The following NFIA variants were observed in gnomAD, a reference collection of about 807,000 sequenced individuals.
NFIA encodes the protein nuclear factor I A.
NFIA carries 8 observed loss-of-function variants against 62.8 expected under a neutral mutation model. The ratio of observed to expected loss-of-function variants is 0.13; its 90% confidence interval spans 0.07 to 0.23. The LOEUF (loss-of-function observed/expected upper bound fraction) is 0.23. Ranked by LOEUF, NFIA falls within the 10% of genes least tolerant of loss-of-function variation. NFIA has a pLI of 1.00. For synonymous variants in NFIA, 235 were observed against 238.1 expected (o/e 0.99, Z 0.12); for missense variants, 410 against 642.1 (o/e 0.64, Z 3.91).
At chr1:61,331,573 C>T (rs757854710) in intron 3 of NFIA, among the ~76,000 whole-genome samples, 2 of 152,104 alleles carry the variant, frequency 1.3e-5, no homozygotes, top group Non-Finnish European at 2.9e-5. Context: ...AAAATCCCTT[C>T]GGCCAACAAT....
chr1:61,371,121 G>A (rs1557738306), intron 6 of NFIA, among the ~76,000 whole-genome samples: 1 of 152,088 alleles, frequency 6.6e-6, no homozygotes, highest in Non-Finnish European at 1.5e-5. Flanking sequence ...GCAGAAGAGA[G>A]CATTTATCAA....
intron 4 of NFIA, among the ~76,000 whole-genome samples, chr1:61,347,943 A>G (rs1291246901): frequency 6.6e-6 from 1 of 152,174 alleles, no homozygotes; most frequent in Non-Finnish European, 1.5e-5. Flanking sequence ...TCTCACTTCA[A>G]GGCTTCGTTC....
intron 2 of NFIA, among the ~76,000 whole-genome samples, chr1:61,192,717 AAAAAAAAG>A (rs1169129730): frequency 6.6e-6 from 1 of 151,456 alleles, no homozygotes; most frequent in African/African-American, 2.4e-5. Flanking sequence ...AAAAAAAAGA[AAAAAAAAG>A]AAATGTCAAA....
At chr1:61,452,254 A>AATT (rs57519983) in intron 10 of NFIA, among the ~76,000 whole-genome samples, 66,436 of 147,908 alleles carry the variant, frequency 0.45, 15,301 homozygotes, top group East Asian at 0.57. Flanking sequence ...GAGATGTATG[A>AATT]ATTATTATTA....
At chr1:61,409,734 C>A (rs17122182) in intron 9 of NFIA, among the ~76,000 whole-genome samples, 1,763 of 152,262 alleles carry the variant, frequency 0.012, 32 homozygotes, top group African/African-American at 0.041. Flanking sequence ...ACATATGGTC[C>A]GCCCTAGCCT....
intron 7 of NFIA, among the ~76,000 whole-genome samples, chr1:61,393,244 CCTCTCTCTCTCTCTCT>C (rs766730638): frequency 1.4e-4 from 4 of 29,086 alleles, no homozygotes; most frequent in African/African-American, 2.1e-4. Context: ...TCGCCCTCTC[CCTCTCTCTCTCTCTCT>C]CTCTCTCTCT....
intron 2 of NFIA, among the ~76,000 whole-genome samples, chr1:61,186,384 A>G (rs377395433): frequency 6.6e-6 from 1 of 152,226 alleles, no homozygotes; most frequent in East Asian, 1.9e-4. Context: ...CACAAGTATT[A>G]ACTTACTGTT....
chr1:61,334,869 C>T (rs1320269444), intron 4 of NFIA, among the ~76,000 whole-genome samples: 1 of 151,936 alleles, frequency 6.6e-6, no homozygotes. Context: ...CTCCTCCTTC[C>T]ACTCCCTGTC....
intron 2 of NFIA, among the ~76,000 whole-genome samples, chr1:61,111,836 T>G (rs1646698832): frequency 6.6e-6 from 1 of 152,114 alleles, no homozygotes; most frequent in Non-Finnish European, 1.5e-5. Context: ...ACTTACAATA[T>G]AAAAAACCAA....
intron 9 of NFIA, among the ~76,000 whole-genome samples, chr1:61,413,068 A>G (rs1219173474): frequency 1.3e-5 from 2 of 152,220 alleles, no homozygotes; most frequent in African/African-American, 4.8e-5. Flanking sequence ...GTAGGAACAC[A>G]AAAACTCAAT....
chr1:61,360,275 G>A (rs7512491), intron 6 of NFIA, among the ~76,000 whole-genome samples: 125,391 of 151,754 alleles, frequency 0.83, 51,903 homozygotes, highest in East Asian at 0.95. Context: ...TGGTTTAGAG[G>A]GAATCTTCTC....
At chr1:61,081,755 C>A, upstream of NFIA, 1 of 977,594 alleles carries the variant, frequency 1.0e-6, no homozygotes, top group African/African-American at 1.6e-5. Context: ...TCACCACCCC[C>A]GCTTCTGAAT....
At chr1:61,168,044 A>C (rs974310117) in intron 2 of NFIA, among the ~76,000 whole-genome samples, 16 of 152,292 alleles carry the variant, frequency 1.1e-4, no homozygotes, top group Non-Finnish European at 1.8e-4. Context: ...AGTGGGTCTG[A>C]GCTTTGATTG....
At chr1:61,432,923 G>A (rs1192075688) in intron 10 of NFIA, among the ~76,000 whole-genome samples, 2 of 152,112 alleles carry the variant, frequency 1.3e-5, no homozygotes, top group South Asian at 2.1e-4. Context: ...GCCCTCTAAG[G>A]TGCTACATCT....
rs555399279 is a variant in NFIA, at chr1:61,142,948, G to A, written c.559+54268G>A. 3.3e-5 allele frequency among the ~76,000 whole-genome samples: 5 copies of A among 152,242 alleles called. No homozygotes were observed. The South Asian group carries it at 6.2e-4, about 19-fold the overall frequency. ...TGGCGAGGAGAACCGCTTGTGTGGC[G>A]ACTGCTTGGCCCAAGAGCGAGTAGG... On this transcript the variant is annotated intron_variant, in intron 2 of 10. Coordinates refer to ENST00000403491, the MANE Select transcript of NFIA (RefSeq NM_001134673.4).
At chr1:61,234,367 CAAA>C (rs34304036) in intron 2 of NFIA, among the ~76,000 whole-genome samples, 11 of 73,290 alleles carry the variant, frequency 1.5e-4, no homozygotes, top group African/African-American at 3.4e-4. Context: ...AACGCCATCT[CAAA>C]AAAAAAAAAA....
chr1:61,317,642 TAAATA>T (rs1402463111), intron 3 of NFIA, among the ~76,000 whole-genome samples: 2 of 151,934 alleles, frequency 1.3e-5, no homozygotes, highest in African/African-American at 4.8e-5. Flanking sequence ...AAAATTCACT[TAAATA>T]AAATTACATT....
intron 10 of NFIA, 55 bp downstream of exon 10, chr1:61,426,611 G>T: frequency 7.6e-7 from 1 of 1,322,952 alleles, no homozygotes. Flanking sequence ...TTCATCAGGT[G>T]CATTTTAACT....
At chr1:61,085,361 G>T (rs1646200703) in intron 1 of NFIA, among the ~76,000 whole-genome samples, 1 of 152,068 alleles carries the variant, frequency 6.6e-6, no homozygotes, top group Non-Finnish European at 1.5e-5. Context: ...CTTAAACTTG[G>T]CTCACTTTCA....
Sources: allele counts gnomAD v4.1 joint callset (sites outside exome capture counted in the v4.1 genomes callset), GRCh38; gene constraint gnomAD v4.1.1; transcripts MANE v1.5; gene names NCBI Gene and HGNC (gene_info 2026-07-23, HGNC 2026-07-21).